The following RRM2B variants were observed in gnomAD, a reference collection of about 807,000 sequenced individuals.
The protein encoded by RRM2B is ribonucleotide reductase regulatory TP53 inducible subunit M2B, also known as ribonucleoside-diphosphate reductase subunit M2 B.
In RRM2B, 20 loss-of-function variants were observed where a neutral mutation model predicts 45.9. The ratio of observed to expected loss-of-function variants is 0.44; its 90% confidence interval spans 0.31 to 0.63. RRM2B has a LOEUF of 0.63. RRM2B is among the 30% of genes least tolerant of loss of function. RRM2B has a pLI of 0.09. For synonymous variants in RRM2B, 124 were observed against 132.3 expected, an observed-to-expected ratio of 0.94 and a Z score of 0.43; for missense variants, 320 against 414.7, an observed-to-expected ratio of 0.77 and a Z score of 1.98.
Position 102,211,890 on chromosome 8 carries a change from A to G in RRM2B, c.903+886T>C, listed in dbSNP as rs1444803056. Among the ~76,000 whole-genome samples, 5 of 152,222 alleles carry G rather than the reference A, an allele frequency of 3.3e-5. No individual in the cohort carries two copies. The East Asian group carries it at 5.8e-4, about 18-fold the overall frequency. On this transcript the variant is annotated intron_variant, in intron 8 of 8. Coordinates refer to ENST00000251810, the MANE Select transcript of RRM2B (RefSeq NM_015713.5). ...GTGGTTATCAGAATATAATTCTGCT[A>G]TATCTGCTAATACAACATTAGCAAG... is the stretch of plus-strand genomic sequence containing the variant.
intron 4 of RRM2B, 87 bp downstream of exon 4, chr8:102,224,798 T>G (rs1182740753): frequency 1.2e-5 from 16 of 1,293,518 alleles, no homozygotes; most frequent in Non-Finnish European, 1.8e-5. Context: ...TGAATAATCT[T>G]TCCTTAACAT....
rs1056869663 is a variant in RRM2B, at chr8:102,219,071, G to A, written c.551-124C>T. On this transcript the variant is annotated intron_variant, in intron 5 of 8. Transcript: ENST00000251810. ...AAAGAAACAAAATACACAAGTTAGT[G>A]CCATGGCCAAAGATCTCCATAGGAG... 7.7e-6 allele frequency: 8 copies of A among 1,042,304 alleles called. No individual in the cohort carries two copies. The African/African-American group carries it at 1.3e-4, about 17-fold the overall frequency. The allele number at this position is 1,042,304 out of a possible 1,614,324, so 64.6% of individuals were successfully genotyped here.
chr8:102,210,285 G>A (rs1368168333), intron 8 of RRM2B, among the ~76,000 whole-genome samples: 2 of 152,164 alleles, frequency 1.3e-5, no homozygotes, highest in Middle Eastern at 6.3e-3. Context: ...TGTAAAAAGT[G>A]AGGGAATATT....
rs1810532661 is a variant in RRM2B at position 102,205,748 on chromosome 8, C to G, written c.*2385G>C. On this transcript the variant is annotated 3_prime_UTR_variant, in exon 9 of 9. Transcript: ENST00000251810. ...GCAAGATAATATTTTTAAAAGATTA[C>G]ACAACTTCTTGATTCTTTAAGAACT... 6.6e-6 allele frequency: 1 copy of G among 152,038 alleles called. No individual in the cohort carries two copies. Among genetic ancestry groups the G allele is most frequent in the Admixed American group, 6.6e-5 (1 of 15,256 alleles). The allele number at this position is 152,038 out of a possible 1,614,324, so 9.4% of individuals were successfully genotyped here.
intron 2 of RRM2B, among the ~76,000 whole-genome samples, chr8:102,226,647 C>T (rs1002014023): frequency 6.6e-6 from 1 of 152,186 alleles, no homozygotes; most frequent in Non-Finnish European, 1.5e-5. Context: ...CCAACTGTAG[C>T]TGCTACTTTA....
rs752648938 is a variant in RRM2B, at chr8:102,218,858, T to C, written c.640A>G (p.Met214Val). The C allele has an allele frequency of 6.2e-7, 1 of 1,613,892 alleles. No individual in the cohort carries two copies. Among genetic ancestry groups the C allele is most frequent in the Non-Finnish European group, 8.5e-7 (1 of 1,179,830 alleles). The change falls in exon 6 of 9, where the codon ATG becomes GTG. Residue 214 changes from methionine to valine, a missense_variant. Around this residue, in one of 3 missense-constraint regions of RRM2B, gnomAD observed 225 missense variants for 289.4 expected, o/e 0.78. Coordinates refer to ENST00000251810, the MANE Select transcript of RRM2B (RefSeq NM_015713.5). ...AIFWLKKRGL[M>V]PGLTFSNELI... is the part of the protein sequence containing the mutation. ...TCATTGGAAAAAGTGAGTCCTGGCATAAGACCTCTCTTCTTTAGCCAGAAT... is the reference window on the plus strand; with the variant it reads ...TCATTGGAAAAAGTGAGTCCTGGCACAAGACCTCTCTTCTTTAGCCAGAAT...
chr8:102,230,200 C>T (rs1012782865), intron 2 of RRM2B, among the ~76,000 whole-genome samples: 4 of 152,162 alleles, frequency 2.6e-5, no homozygotes, highest in African/African-American at 9.7e-5. Context: ...TAAGCTCAAC[C>T]ATTTAAGCTG....
At chr8:102,223,609 T>C (rs987147423) in intron 5 of RRM2B, among the ~76,000 whole-genome samples, 2 of 150,422 alleles carry the variant, frequency 1.3e-5, no homozygotes, top group Non-Finnish European at 2.9e-5. Context: ...GCAGGGAGAA[T>C]TGCTTGAACT....
intron 6 of RRM2B, among the ~76,000 whole-genome samples, chr8:102,215,940 GTC>G: frequency 1.3e-5 from 1 of 78,858 alleles, no homozygotes; most frequent in African/African-American, 6.5e-5. Flanking sequence ...GAAAGACCCT[GTC>G]TCAAAAAAAA....
At chr8:102,232,612 A>G (rs1301330655) in intron 1 of RRM2B, among the ~76,000 whole-genome samples, 1 of 152,224 alleles carries the variant, frequency 6.6e-6, no homozygotes, top group Non-Finnish European at 1.5e-5. Flanking sequence ...CTCAAAAATT[A>G]TTGTAATTAT....
chr8:102,232,383 G>C, intron 1 of RRM2B, 79 bp from the exon 2 acceptor site: 1 of 1,429,726 alleles, frequency 7.0e-7, no homozygotes, highest in Non-Finnish European at 9.8e-7. Flanking sequence ...ATCTAAGGAA[G>C]TCAGGGAGAC....
Position 102,207,954 on chromosome 8 carries a change from AC to A in RRM2B, c.*178del. ...GACAAGACAAAAGCATTTAGGTCACACTCTTGTTGTTAAACAGGAAAATTAT... is the reference window on the plus strand; with the variant it reads ...GACAAGACAAAAGCATTTAGGTCACATCTTGTTGTTAAACAGGAAAATTAT... On this transcript the variant is annotated 3_prime_UTR_variant, in exon 9 of 9. Coordinates refer to ENST00000251810, the MANE Select transcript of RRM2B (RefSeq NM_015713.5). 1.8e-6 allele frequency: 1 copy of A among 570,224 alleles called. No individual in the cohort carries two copies. The highest frequency in any genetic ancestry group is 3.1e-6 in the Non-Finnish European group (1 of 322,614). 35.3% of individuals were successfully genotyped at this position (570,224 alleles called of 1,614,324 possible).
rs72554092 is a variant in RRM2B at position 102,238,806 on chromosome 8, A to C, written c.48+21T>G. ...GCTGGCGTGACTGCGGTGAGGGGGA[A>C]GACGCAACAGCAACATTTACCTCAT... On this transcript the variant is annotated intron_variant, in intron 1 of 8. Coordinates refer to ENST00000251810, the MANE Select transcript of RRM2B (RefSeq NM_015713.5). 4.7e-3 allele frequency: 7,513 copies of C among 1,613,766 alleles called. 307 individuals are homozygous for C. In the African/African-American group the frequency reaches 0.089, roughly 19 times the overall value.
In RRM2B at chr8:102,224,917, C is replaced by T. The variant is rs1810902471; in HGVS notation, c.423G>A (p.Leu141=). Residue 141 remains leucine, a synonymous_variant, in exon 4 of 9, where the codon CTG becomes CTA. Coordinates refer to ENST00000251810, the MANE Select transcript of RRM2B (RefSeq NM_015713.5). ...TGGGATCTCTGATGTAAGTGTCTAT[C>T]AGCAAACTGTACATCTCTGAGTGAA... ...ENVHSEMYSL[L]IDTYIRDPKK... is the part of the protein sequence containing the mutation. 1 of 1,613,868 alleles carries T rather than the reference C, an allele frequency of 6.2e-7. No homozygotes were observed. The highest frequency in any genetic ancestry group is 1.3e-5 in the African/African-American group (1 of 75,022).
rs1467552346 is a variant in RRM2B, at chr8:102,207,745, C to T, written c.*388G>A. 4 of 170,344 alleles carry T rather than the reference C, an allele frequency of 2.3e-5. No individual in the cohort carries two copies. The highest frequency in any genetic ancestry group is 5.1e-5 in the Non-Finnish European group (4 of 78,186). The allele number at this position is 170,344 out of a possible 1,614,324, so 10.6% of individuals were successfully genotyped here. A position where few individuals can be genotyped will look rare whatever the true frequency, so the allele number is the denominator to read the frequency against. ...AAGCATTTATTTTTGCATCCTAATC[C>T]TAATATCCACTCTATGAATTTAGGA... On this transcript the variant is annotated 3_prime_UTR_variant, in exon 9 of 9. Coordinates refer to ENST00000251810, the MANE Select transcript of RRM2B (RefSeq NM_015713.5).
chr8:102,211,291 T>C (rs796936953), intron 8 of RRM2B, among the ~76,000 whole-genome samples: 4 of 152,232 alleles, frequency 2.6e-5, no homozygotes, highest in African/African-American at 9.6e-5. Flanking sequence ...CCACCGCACC[T>C]GGCCTAACGG....
chr8:102,227,431 G>C (rs559122639), intron 2 of RRM2B, among the ~76,000 whole-genome samples: 36 of 152,250 alleles, frequency 2.4e-4, no homozygotes, highest in Admixed American at 2.4e-3. Context: ...CAGAGGCACA[G>C]GTGGGACCAC....
chr8:102,229,287 A>T (rs560058502), intron 2 of RRM2B, among the ~76,000 whole-genome samples: 1 of 151,914 alleles, frequency 6.6e-6, no homozygotes, highest in South Asian at 2.1e-4. Context: ...AAAAAAAAAA[A>T]CCCACAAAGC....
intron 5 of RRM2B, among the ~76,000 whole-genome samples, chr8:102,219,977 A>G (rs754345950): frequency 2.0e-5 from 3 of 152,206 alleles, no homozygotes; most frequent in Admixed American, 6.5e-5. Flanking sequence ...AGTGGCTCAC[A>G]TCTGTAATAC....
Sources: allele counts gnomAD v4.1 joint callset (sites outside exome capture counted in the v4.1 genomes callset), GRCh38; gene constraint gnomAD v4.1.1; regional missense constraint gnomAD v4.1.1; transcripts MANE v1.5; gene names NCBI Gene and HGNC (gene_info 2026-07-23, HGNC 2026-07-21).